Variants in TXNRD1 observed in about 807,000 individuals in gnomAD.
TXNRD1 encodes thioredoxin reductase 1.
TXNRD1 carries 57 observed loss-of-function variants against 80.3 expected under a neutral mutation model. That is an observed-to-expected ratio of 0.71 (90% CI 0.57 to 0.89). The LOEUF (loss-of-function observed/expected upper bound fraction) is 0.89, where lower values mean the gene tolerates loss of function less well. Ranked by LOEUF, TXNRD1 falls within the 40% of genes least tolerant of loss-of-function variation. TXNRD1 has a pLI of 0.00. For missense variants in TXNRD1, 730 were observed against 803.0 expected (o/e 0.91, Z 1.10); for synonymous variants, 291 against 285.2 (o/e 1.02, Z -0.20).
chr12:104,281,128 C>T (rs1305582369), intron 3 of TXNRD1, among the ~76,000 whole-genome samples: 4 of 152,210 alleles, frequency 2.6e-5, no homozygotes, highest in African/African-American at 9.6e-5. Flanking sequence ...CCCCCACCTC[C>T]CATCTTTCTT....
rs2035680198 is a variant in TXNRD1, at chr12:104,324,392, C to G, written c.1216-945C>G. Reference sequence around the variant, plus strand: ...TTTGAGATGGAGTCTTGCTCTGTCACCTAGGTTGGAGTGCAGTGGCGTGAT... The same window carrying G: ...TTTGAGATGGAGTCTTGCTCTGTCAGCTAGGTTGGAGTGCAGTGGCGTGAT... On this transcript the variant is annotated intron_variant, in intron 10 of 16. Transcript: ENST00000525566. Among the ~76,000 whole-genome samples the G allele has an allele frequency of 2.2e-5, 3 of 133,932 alleles. No individual in the cohort carries two copies. The South Asian group carries it at 7.8e-4, about 35-fold the overall frequency. The allele number at this position is 133,932 out of a possible 152,430, so 87.9% of individuals were successfully genotyped here.
intron 13 of TXNRD1, among the ~76,000 whole-genome samples, chr12:104,329,260 G>C (rs571042680): frequency 2.6e-5 from 4 of 151,860 alleles, no homozygotes; most frequent in African/African-American, 9.7e-5. Context: ...CCTCAATATA[G>C]CTTGAGATTG....
chr12:104,294,233 G>GCCCCCC (rs1555212585), intron 4 of TXNRD1, among the ~76,000 whole-genome samples: 1 of 68,884 alleles, frequency 1.5e-5, no homozygotes, highest in Non-Finnish European at 2.8e-5. Context: ...CCGGGGAAAG[G>GCCCCCC]CCCCCCCCCC....
intron 6 of TXNRD1, among the ~76,000 whole-genome samples, chr12:104,315,358 A>G (rs35415915): frequency 1.0e-3 from 158 of 152,356 alleles, no homozygotes; most frequent in African/African-American, 3.4e-3. Flanking sequence ...AGTGTTGAAT[A>G]TCTCATATAA....
chr12:104,294,344 A>G (rs901970907), intron 4 of TXNRD1, among the ~76,000 whole-genome samples: 28 of 151,052 alleles, frequency 1.9e-4, no homozygotes, highest in African/African-American at 6.8e-4. Context: ...GTCTTCCCAG[A>G]TGCTGGCATC....
At position 104,272,867 on chromosome 12, in the gene TXNRD1, A is replaced by C. The variant is rs989932934; in HGVS notation, c.304+14788A>C. ...CTGACATATTGATTCTTTGAAAAGA[A>C]ATTTAGAACTCATATCTAACACTGA... On this transcript the variant is annotated intron_variant, in intron 3 of 16. Coordinates refer to ENST00000525566, the MANE Select transcript of TXNRD1 (RefSeq NM_001093771.3). Among the ~76,000 whole-genome samples the C allele has an allele frequency of 2.6e-5, 4 of 151,774 alleles. No homozygotes were observed. In the East Asian group the frequency reaches 7.7e-4, roughly 29 times the overall value.
intron 3 of TXNRD1, among the ~76,000 whole-genome samples, chr12:104,260,201 C>T (rs950653561): frequency 6.6e-6 from 1 of 152,166 alleles, no homozygotes; most frequent in Non-Finnish European, 1.5e-5. Flanking sequence ...GGCATGGTGG[C>T]TCATGCCTCT....
chr12:104,331,922 TTA>T (rs2035966830), intron 14 of TXNRD1, among the ~76,000 whole-genome samples: 1 of 152,144 alleles, frequency 6.6e-6, no homozygotes, highest in Non-Finnish European at 1.5e-5. Flanking sequence ...GGGCATTTTC[TTA>T]TATAGCCGTA....
chr12:104,265,741 T>A (rs562451660), intron 3 of TXNRD1: 2 of 1,597,350 alleles, frequency 1.3e-6, no homozygotes, highest in East Asian at 4.5e-5. Flanking sequence ...TGTCAAGCAG[T>A]TCCACGACTC....
At chr12:104,311,633 G>A (rs1320158731) in intron 5 of TXNRD1, among the ~76,000 whole-genome samples, 5 of 152,202 alleles carry the variant, frequency 3.3e-5, no homozygotes. Context: ...ATAGGGCCCA[G>A]TATTTTGGAA....
intron 1 of TXNRD1, among the ~76,000 whole-genome samples, chr12:104,240,255 A>C (rs2032830207): frequency 6.6e-6 from 1 of 152,206 alleles, no homozygotes; most frequent in Non-Finnish European, 1.5e-5. Flanking sequence ...AGAGAGTCTA[A>C]GTACCATTGT....
intron 4 of TXNRD1, among the ~76,000 whole-genome samples, chr12:104,299,507 G>A (rs2034545651): frequency 6.6e-6 from 1 of 152,006 alleles, no homozygotes; most frequent in Non-Finnish European, 1.5e-5. Context: ...AGTGGCTCAC[G>A]CATGTAATCC....
chr12:104,348,488 C>G lies in TXNRD1; in HGVS notation c.*67C>G. On this transcript the variant is annotated 3_prime_UTR_variant, in exon 17 of 17. Transcript: ENST00000525566. ...CTCGTTTCCGTGCCCAAATCCAAGG[C>G]GAAGTTTTCTAGAGGGTTCTTGGGC... The G allele has an allele frequency of 6.5e-6, 10 of 1,534,532 alleles. No individual in the cohort carries two copies. Among genetic ancestry groups the G allele is most frequent in the African/African-American group, 1.4e-5 (1 of 73,364 alleles).
chr12:104,336,936 CTA>C (rs2036159224), intron 15 of TXNRD1, among the ~76,000 whole-genome samples: 1 of 148,212 alleles, frequency 6.7e-6, no homozygotes, highest in Admixed American at 6.7e-5. Flanking sequence ...ATGCTATTAA[CTA>C]TTATCTTATG....
Position 104,331,657 on chromosome 12 carries a change from C to G in TXNRD1, c.1650+16C>G. 6.5e-7 allele frequency: 1 copy of G among 1,533,650 alleles called. No homozygotes were observed. The highest frequency in any genetic ancestry group is 1.7e-5 in the Admixed American group (1 of 58,158). Reference sequence around the variant, plus strand: ...AAATATTGAGGTAAGTTCTTTTCCTCTTTTCTCCTATGTTATATCACTACT... The same window carrying G: ...AAATATTGAGGTAAGTTCTTTTCCTGTTTTCTCCTATGTTATATCACTACT... On this transcript the variant is annotated intron_variant, in intron 14 of 16. Transcript: ENST00000525566.
chr12:104,332,770 AAG>A (rs1188304387), intron 14 of TXNRD1, among the ~76,000 whole-genome samples: 2 of 150,886 alleles, frequency 1.3e-5, no homozygotes, highest in Non-Finnish European at 3.0e-5. Context: ...AAAAAAAAAA[AAG>A]AATAGTATAT....
intron 2 of TXNRD1, among the ~76,000 whole-genome samples, chr12:104,257,568 G>A (rs542171367): frequency 9.2e-5 from 14 of 151,898 alleles, no homozygotes; most frequent in South Asian, 8.3e-4. Context: ...CACCACGCCC[G>A]GCTAATTTTT....
intron 7 of TXNRD1, among the ~76,000 whole-genome samples, chr12:104,317,975 A>G (rs1003156070): frequency 2.0e-5 from 3 of 152,214 alleles, no homozygotes; most frequent in Non-Finnish European, 2.9e-5. Context: ...CTGCGTCTCT[A>G]CTAAAAATAT....
At chr12:104,224,977 T>C (rs2032440817) in intron 1 of TXNRD1, 2 of 445,970 alleles carry the variant, frequency 4.5e-6, no homozygotes, top group Non-Finnish European at 9.0e-6. Flanking sequence ...ATATGGAACA[T>C]TGTATTTCCC....
Sources: gnomAD v4.1 joint callset for allele counts (sites outside exome capture counted in the v4.1 genomes callset) on GRCh38, gnomAD v4.1.1 for gene constraint, MANE v1.5 for transcripts, NCBI Gene and HGNC (gene_info 2026-07-23, HGNC 2026-07-21) for gene names.